The following MGAT4C variants were observed in gnomAD, a reference collection of about 807,000 sequenced individuals.
The protein encoded by MGAT4C is alpha-1,3-mannosyl-glycoprotein 4-beta-N-acetylglucosaminyltransferase C.
In MGAT4C, 19 loss-of-function variants were observed where a neutral mutation model predicts 40.1. The observed-to-expected ratio is 0.47, with a 90% CI of 0.33 to 0.70. The LOEUF is 0.70. Ranked by LOEUF, MGAT4C falls within the 30% of genes least tolerant of loss-of-function variation. MGAT4C has a pLI of 0.02. For missense variants in MGAT4C, 491 were observed against 563.2 expected (o/e 0.87, Z 1.30); for synonymous variants, 181 against 187.1 (o/e 0.97, Z 0.27).
intron 1 of MGAT4C, among the ~76,000 whole-genome samples, chr12:86,182,035 C>T (rs1430782613): frequency 6.6e-6 from 1 of 151,908 alleles, no homozygotes; most frequent in Non-Finnish European, 1.5e-5. Flanking sequence ...TTTTGCATAA[C>T]AATTATATAT....
At chr12:86,413,750 C>T (rs1956651159) in intron 3 of MGAT4C, among the ~76,000 whole-genome samples, 1 of 152,108 alleles carries the variant, frequency 6.6e-6, no homozygotes, top group Non-Finnish European at 1.5e-5. Flanking sequence ...ATGAGCTGAA[C>T]TTAAAACTGG....
At chr12:86,389,094 T>C (rs962655937) in intron 3 of MGAT4C, among the ~76,000 whole-genome samples, 8 of 152,190 alleles carry the variant, frequency 5.3e-5, no homozygotes, top group Middle Eastern at 3.2e-3. Context: ...ATTTGTTAGA[T>C]AGGTAAACTT....
chr12:86,586,285 A>C (rs543056800), intron 2 of MGAT4C, among the ~76,000 whole-genome samples: 1,561 of 109,208 alleles, frequency 0.014, 14 homozygotes, highest in Non-Finnish European at 0.022. Context: ...TGAACTCATC[A>C]TTTTTTATGG....
At chr12:86,694,599 A>G (rs1950223360) in intron 2 of MGAT4C, among the ~76,000 whole-genome samples, 1 of 152,174 alleles carries the variant, frequency 6.6e-6, no homozygotes, top group African/African-American at 2.4e-5. Flanking sequence ...GAAAATAATA[A>G]AAATATGTCA....
intron 1 of MGAT4C, among the ~76,000 whole-genome samples, chr12:86,823,853 A>T (rs1272731740): frequency 6.6e-6 from 1 of 151,478 alleles, no homozygotes; most frequent in Non-Finnish European, 1.5e-5. Context: ...TAACATTTGT[A>T]TAAGTATATT....
chr12:86,268,702 T>C (rs192247016), intron 4 of MGAT4C, among the ~76,000 whole-genome samples: 10,396 of 146,868 alleles, frequency 0.071, 885 homozygotes, highest in East Asian at 0.24. Context: ...TATATACACA[T>C]ATATATATAT....
chr12:86,751,035 C>G (rs1426444907), intron 1 of MGAT4C, among the ~76,000 whole-genome samples: 1 of 151,822 alleles, frequency 6.6e-6, no homozygotes, highest in African/African-American at 2.4e-5. Flanking sequence ...CATCATAAAC[C>G]AAGGGGATGA....
At chr12:86,499,396 G>T (rs1592921795) in intron 2 of MGAT4C, among the ~76,000 whole-genome samples, 1 of 151,704 alleles carries the variant, frequency 6.6e-6, no homozygotes, top group Non-Finnish European at 1.5e-5. Flanking sequence ...CAACACAGAG[G>T]TTACTGAAGG....
chr12:86,173,399 C>T (rs951986826), intron 1 of MGAT4C, among the ~76,000 whole-genome samples: 6 of 151,842 alleles, frequency 4.0e-5, no homozygotes, highest in Admixed American at 3.9e-4. Context: ...ATCATCATAC[C>T]TCAAGCAGGA....
chr12:86,777,483 C>T (rs919044077), intron 1 of MGAT4C, among the ~76,000 whole-genome samples: 1 of 152,038 alleles, frequency 6.6e-6, no homozygotes, highest in African/African-American at 2.4e-5. Flanking sequence ...AGTGTCCTGG[C>T]GTGGTCTCTG....
rs920733522 is a variant in MGAT4C at position 85,967,921 on chromosome 12, G to C, written c.*11368C>G. The C allele has an allele frequency of 3.3e-5, 5 of 151,944 alleles. No individual in the cohort carries two copies. The highest frequency in any genetic ancestry group is 1.2e-4 in the African/African-American group (5 of 41,416). The allele number at this position is 151,944 out of a possible 1,614,324, so 9.4% of individuals were successfully genotyped here. A position where few individuals can be genotyped will look rare whatever the true frequency, so the allele number is the denominator to read the frequency against. ...TTTCGTACACTTTTTAGATCTCTAT[G>C]TAAATACATTATTTCATTTGTGGAA... On this transcript the variant is annotated 3_prime_UTR_variant, in exon 5 of 5. Transcript: ENST00000611864.
At chr12:86,464,371 A>C (rs1239743045) in intron 2 of MGAT4C, among the ~76,000 whole-genome samples, 1 of 152,188 alleles carries the variant, frequency 6.6e-6, no homozygotes, top group Non-Finnish European at 1.5e-5. Flanking sequence ...GAATAGAGAA[A>C]ATTGTATCCG....
At chr12:85,986,464 G>A (rs1310465983) in intron 3 of MGAT4C, among the ~76,000 whole-genome samples, 2 of 152,200 alleles carry the variant, frequency 1.3e-5, no homozygotes, top group African/African-American at 4.8e-5. Flanking sequence ...ACTAAGTGCA[G>A]CTTCCTTTTT....
chr12:86,309,101 G>T (rs1954009015), intron 4 of MGAT4C, among the ~76,000 whole-genome samples: 1 of 150,510 alleles, frequency 6.6e-6, no homozygotes, highest in African/African-American at 2.5e-5. Flanking sequence ...TGCTAACATG[G>T]TATTCAGATG....
chr12:86,377,339 G>A (rs563712197), intron 3 of MGAT4C, among the ~76,000 whole-genome samples: 7 of 152,120 alleles, frequency 4.6e-5, no homozygotes, highest in Non-Finnish European at 5.9e-5. Context: ...GATTACAGGC[G>A]TGAGCCACTG....
chr12:86,678,366 T>C (rs1232527290), intron 2 of MGAT4C, among the ~76,000 whole-genome samples: 2 of 152,092 alleles, frequency 1.3e-5, no homozygotes, highest in Non-Finnish European at 2.9e-5. Context: ...CCTATTTTGG[T>C]TGCACTATTC....
At position 86,507,617 on chromosome 12, in the gene MGAT4C, C is replaced by T. The variant is rs114456161; in HGVS notation, c.-228-72352G>A. Among the ~76,000 whole-genome samples, 238 of 152,218 alleles carry T rather than the reference C, an allele frequency of 1.6e-3. 1 individual carries two copies. Among genetic ancestry groups the T allele is most frequent in the African/African-American group, 5.5e-3 (229 of 41,552 alleles). On this transcript the variant is annotated intron_variant, in intron 2 of 7. Transcript: ENST00000548651. ...TTAACCCCTCATGTGGAGCCAAGCC[C>T]AGCTGAAGAAAGCATTGGTGAGCAA...
rs193098369 is a variant in MGAT4C, at chr12:86,743,330, T to C, written c.-261-16089A>G. Among the ~76,000 whole-genome samples the C allele has an allele frequency of 2.0e-4, 31 of 151,742 alleles. No individual in the cohort carries two copies. The East Asian group carries it at 6.0e-3, about 30-fold the overall frequency. On this transcript the variant is annotated intron_variant, in intron 1 of 7. Coordinates refer to the MGAT4C transcript ENST00000548651. Reference sequence around the variant, plus strand: ...ATATACAAAGAAAATATATTCTCAATTATATATTGTTGAAAATTGCAATGC... The same window carrying C: ...ATATACAAAGAAAATATATTCTCAACTATATATTGTTGAAAATTGCAATGC...
At chr12:86,256,463 C>T (rs915449874), upstream of MGAT4C, 1 of 152,170 alleles carries the variant, frequency 6.6e-6, no homozygotes, top group African/African-American at 2.4e-5. Flanking sequence ...GGTGTACTCT[C>T]ATTGGCTTCT....
Sources: allele counts gnomAD v4.1 joint callset (sites outside exome capture counted in the v4.1 genomes callset), GRCh38; gene constraint gnomAD v4.1.1; transcripts MANE v1.5; gene names NCBI Gene and HGNC (gene_info 2026-07-23, HGNC 2026-07-21).